The following MACROD2 variants were observed in gnomAD, a reference collection of about 807,000 sequenced individuals.
MACROD2 encodes ADP-ribose glycohydrolase MACROD2.
In MACROD2, 36 loss-of-function variants were observed where a neutral mutation model predicts 70.4. The ratio of observed to expected loss-of-function variants is 0.51; its 90% confidence interval spans 0.39 to 0.68. The LOEUF (loss-of-function observed/expected upper bound fraction) is 0.68. Among genes scored for constraint, MACROD2 ranks in the 30% least tolerant of loss-of-function variants. The pLI, the probability that MACROD2 is intolerant of heterozygous loss-of-function variation, is 0.00. For missense variants in MACROD2, 496 were observed against 538.4 expected, an observed-to-expected ratio of 0.92 and a Z score of 0.78; for synonymous variants, 172 against 178.8, an observed-to-expected ratio of 0.96 and a Z score of 0.30.
chr20:15,878,642 T>C (rs1267972498), intron 9 of MACROD2, among the ~76,000 whole-genome samples: 1 of 152,132 alleles, frequency 6.6e-6, no homozygotes, highest in Admixed American at 6.6e-5. Flanking sequence ...CCAAAACCCA[T>C]AGCATACTTC....
intron 13 of MACROD2, among the ~76,000 whole-genome samples, chr20:15,978,853 T>G (rs191759032): frequency 2.0e-3 from 304 of 152,316 alleles, no homozygotes; most frequent in Non-Finnish European, 4.0e-3. Context: ...CGAAATATTT[T>G]GCAGAACCAT....
intron 3 of MACROD2, among the ~76,000 whole-genome samples, chr20:14,442,706 A>G (rs1054881392): frequency 2.0e-5 from 3 of 152,086 alleles, no homozygotes; most frequent in African/African-American, 4.8e-5. Flanking sequence ...AGCAGTCAAC[A>G]GACTATAACC....
rs1425445513 is a variant in MACROD2, at chr20:15,051,322, C to T, written c.419-178618C>T. Among the ~76,000 whole-genome samples, 4 of 147,516 alleles carry T rather than the reference C, an allele frequency of 2.7e-5. No homozygotes were observed. In the Admixed American group the frequency reaches 2.7e-4, roughly 10 times the overall value. On this transcript the variant is annotated intron_variant, in intron 5 of 17. Transcript: ENST00000684519. ...GGTTCACAGAGTAGTTCTACAGAACCAGAAATCAGTAGGAGATGTGTGTGT... is the reference window on the plus strand; with the variant it reads ...GGTTCACAGAGTAGTTCTACAGAACTAGAAATCAGTAGGAGATGTGTGTGT...
At chr20:15,411,185 TGA>T (rs1234168898) in intron 6 of MACROD2, among the ~76,000 whole-genome samples, 1 of 77,490 alleles carries the variant, frequency 1.3e-5, no homozygotes, top group East Asian at 2.7e-4. Context: ...CACACAAAGC[TGA>T]GAGAGAGAGA....
chr20:14,432,831 C>G (rs1346365768), intron 3 of MACROD2, among the ~76,000 whole-genome samples: 1 of 152,070 alleles, frequency 6.6e-6, no homozygotes, highest in Admixed American at 6.6e-5. Flanking sequence ...GTAAATGACC[C>G]TCTAGTGGCC....
intron 3 of MACROD2, chr20:14,127,709 A>G: frequency 2.6e-6 from 1 of 387,018 alleles, no homozygotes. Context: ...TGAACGTGAT[A>G]CAATCTACAC....
At chr20:14,687,645 A>C (rs1009660780) in intron 5 of MACROD2, among the ~76,000 whole-genome samples, 2 of 152,168 alleles carry the variant, frequency 1.3e-5, no homozygotes, top group African/African-American at 4.8e-5. Flanking sequence ...AATCCATGAG[A>C]GCTGAGATCC....
At chr20:15,645,774 G>A (rs1364050329) in intron 8 of MACROD2, among the ~76,000 whole-genome samples, 1 of 152,156 alleles carries the variant, frequency 6.6e-6, no homozygotes, top group South Asian at 2.1e-4. Context: ...TGGTATTAAG[G>A]ACAGGCTGAA....
At chr20:15,505,115 T>C (rs2047409494) in intron 8 of MACROD2, among the ~76,000 whole-genome samples, 1 of 152,162 alleles carries the variant, frequency 6.6e-6, no homozygotes, top group Admixed American at 6.5e-5. Flanking sequence ...TGCCATTTTT[T>C]CCACAGAAAA....
At chr20:14,293,892 A>T (rs559061507) in intron 3 of MACROD2, among the ~76,000 whole-genome samples, 1 of 152,038 alleles carries the variant, frequency 6.6e-6, no homozygotes, top group African/African-American at 2.4e-5. Flanking sequence ...GTATGAAAAT[A>T]TAGACATAAA....
chr20:14,906,417 C>A (rs562913707), intron 5 of MACROD2, among the ~76,000 whole-genome samples: 2 of 152,236 alleles, frequency 1.3e-5, no homozygotes, highest in South Asian at 2.1e-4. Flanking sequence ...TCGCTTGAAC[C>A]CGGGAGGCAG....
intron 6 of MACROD2, among the ~76,000 whole-genome samples, chr20:15,418,421 A>G (rs1025313090): frequency 6.6e-6 from 1 of 152,186 alleles, no homozygotes; most frequent in Non-Finnish European, 1.5e-5. Context: ...GTTAGGTGAG[A>G]AATGGTTGAT....
chr20:14,495,965 T>A (rs763385552), intron 4 of MACROD2, among the ~76,000 whole-genome samples: 1 of 152,218 alleles, frequency 6.6e-6, no homozygotes, highest in African/African-American at 2.4e-5. Context: ...ATTTATGCAC[T>A]TCTGGAGATG....
Position 14,222,826 on chromosome 20 carries a change from A to G in MACROD2, c.271+137098A>G, listed in dbSNP as rs1379964154. Among the ~76,000 whole-genome samples, 144 of 56,710 alleles carry G rather than the reference A, an allele frequency of 2.5e-3. 2 individuals carry two copies. The highest frequency in any genetic ancestry group is 5.3e-3 in the African/African-American group (130 of 24,328). The allele number at this position is 56,710 out of a possible 152,430, so 37.2% of individuals were successfully genotyped here. ...CTTTGGATTTCTGAAAAAAAAAAAAAAAAAAAAAAAAAAAAAGAATTGAGA... is the reference window on the plus strand; with the variant it reads ...CTTTGGATTTCTGAAAAAAAAAAAAGAAAAAAAAAAAAAAAAGAATTGAGA... On this transcript the variant is annotated intron_variant, in intron 3 of 17. Transcript: ENST00000684519.
chr20:14,668,944 G>T (rs1019842144), intron 4 of MACROD2, among the ~76,000 whole-genome samples: 14 of 152,000 alleles, frequency 9.2e-5, no homozygotes, highest in African/African-American at 3.4e-4. Flanking sequence ...ATGAAATGAA[G>T]AAAATAATTA....
At chr20:14,973,512 C>T (rs1339296072) in intron 5 of MACROD2, among the ~76,000 whole-genome samples, 2 of 152,078 alleles carry the variant, frequency 1.3e-5, no homozygotes, top group African/African-American at 2.4e-5. Flanking sequence ...CATGAGCCAC[C>T]GCACCTGGCC....
chr20:14,881,995 C>A (rs372157393), intron 5 of MACROD2, among the ~76,000 whole-genome samples: 1 of 152,190 alleles, frequency 6.6e-6, no homozygotes, highest in South Asian at 2.1e-4. Context: ...AGACAATTAA[C>A]TCTTGTTATG....
chr20:14,328,100 T>G (rs776690388), intron 3 of MACROD2, among the ~76,000 whole-genome samples: 1 of 152,110 alleles, frequency 6.6e-6, no homozygotes, highest in Non-Finnish European at 1.5e-5. Context: ...TACACACATC[T>G]TGAGATCCTC....
rs796327513 is a variant in MACROD2, at chr20:15,421,751, T to C, written c.541-9654T>C. Among the ~76,000 whole-genome samples, 3 of 152,142 alleles carry C rather than the reference T, an allele frequency of 2.0e-5. No homozygotes were observed. In the South Asian group the frequency reaches 6.2e-4, roughly 31 times the overall value. On this transcript the variant is annotated intron_variant, in intron 6 of 17. Transcript: ENST00000684519. ...ATTCTAGGTGCTGGTGATACAGCAA[T>C]AAACAAAGCAAAGGTCTTCCTGGGA... is the stretch of plus-strand genomic sequence containing the variant.
Sources: allele counts gnomAD v4.1 joint callset (sites outside exome capture counted in the v4.1 genomes callset), GRCh38; gene constraint gnomAD v4.1.1; transcripts MANE v1.5; gene names NCBI Gene and HGNC (gene_info 2026-07-23, HGNC 2026-07-21).